The following NAA35 variants were observed in gnomAD, a reference collection of about 807,000 sequenced individuals.
NAA35 encodes the protein MAK10 homolog, amino-acid N-acetyltransferase subunit.
NAA35 carries 18 observed loss-of-function variants against 101.7 expected under a neutral mutation model. The ratio of observed to expected loss-of-function variants is 0.18; its 90% CI spans 0.12 to 0.26. The LOEUF is 0.26. NAA35 is among the 10% of genes least tolerant of loss of function. The pLI is 1.00. For synonymous variants in NAA35, 267 were observed against 273.1 expected (o/e 0.98, Z 0.22); for missense variants, 601 against 886.8 (o/e 0.68, Z 4.09).
At chr9:86,003,522 G>A in intron 12 of NAA35, 63 bp from the exon 13 acceptor site, 1 of 897,904 alleles carries the variant, frequency 1.1e-6, no homozygotes, top group Non-Finnish European at 1.7e-6. Context: ...ACAGTCTGAT[G>A]AAGTGTTTTT....
At chr9:85,959,111 T>G (rs1829398074) in intron 4 of NAA35, among the ~76,000 whole-genome samples, 1 of 152,094 alleles carries the variant, frequency 6.6e-6, no homozygotes, top group African/African-American at 2.4e-5. Flanking sequence ...GTGCGGTGGT[T>G]CATGCCTGTA....
At chr9:86,012,485 T>C (rs1345775382) in intron 15 of NAA35, among the ~76,000 whole-genome samples, 1 of 152,218 alleles carries the variant, frequency 6.6e-6, no homozygotes, top group East Asian at 1.9e-4. Context: ...TCAAATGAGA[T>C]AATATCTGTC....
intron 2 of NAA35, among the ~76,000 whole-genome samples, chr9:85,952,515 C>T (rs1478917912): frequency 6.6e-6 from 1 of 152,052 alleles, no homozygotes; most frequent in Non-Finnish European, 1.5e-5. Context: ...GAACTCCTGA[C>T]CTCCAGTAAT....
At chr9:86,017,123 G>A (rs1284856788) in intron 18 of NAA35, among the ~76,000 whole-genome samples, 1 of 152,246 alleles carries the variant, frequency 6.6e-6, no homozygotes, top group Admixed American at 6.5e-5. Context: ...TGATCACTTA[G>A]GGAAGGCTAT....
At chr9:86,003,461 T>A (rs1831500526) in intron 12 of NAA35, 124 bp from the exon 13 acceptor site, 1 of 457,670 alleles carries the variant, frequency 2.2e-6, no homozygotes, top group African/African-American at 2.0e-5. Flanking sequence ...CCTTTATTTG[T>A]CATATTTTAA....
chr9:86,013,941 A>G, intron 17 of NAA35, 44 bp downstream of exon 17: 1 of 1,379,684 alleles, frequency 7.2e-7, no homozygotes, highest in Non-Finnish European at 1.0e-6. Flanking sequence ...GGTGCAATGG[A>G]TAAGATCTGA....
chr9:86,022,428 A>G lies in NAA35; in HGVS notation c.*468A>G, dbSNP rs999716070. Reference sequence around the variant, plus strand: ...AAGTTTCAAATCAAGGGATTAATTAAACACTTGTATGAGATTTTGGTAAAA... The same window carrying G: ...AAGTTTCAAATCAAGGGATTAATTAGACACTTGTATGAGATTTTGGTAAAA... On this transcript the variant is annotated 3_prime_UTR_variant, in exon 23 of 23. Transcript: ENST00000361671. 2 of 152,698 alleles carry G rather than the reference A, an allele frequency of 1.3e-5. No individual in the cohort carries two copies. The highest frequency in any genetic ancestry group is 4.8e-5 in the African/African-American group (2 of 41,474). The allele number at this position is 152,698 out of a possible 1,614,324, so 9.5% of individuals were successfully genotyped here.
At chr9:86,004,829 A>G (rs1252547578) in intron 13 of NAA35, among the ~76,000 whole-genome samples, 1 of 152,242 alleles carries the variant, frequency 6.6e-6, no homozygotes, top group Non-Finnish European at 1.5e-5. Context: ...TTAAATGTAG[A>G]TACAGACTAC....
chr9:85,960,140 CTCAAGTGAT>C (rs1182480124), intron 5 of NAA35, among the ~76,000 whole-genome samples: 1 of 152,114 alleles, frequency 6.6e-6, no homozygotes, highest in Non-Finnish European at 1.5e-5. Context: ...TCTCAAGTTA[CTCAAGTGAT>C]AAGTCTGTAA....
At chr9:85,942,588 T>A (rs1828572214) in intron 2 of NAA35, among the ~76,000 whole-genome samples, 2 of 152,246 alleles carry the variant, frequency 1.3e-5, no homozygotes, top group African/African-American at 4.8e-5. Context: ...AGTATTTTTG[T>A]ATGTTTGAGG....
At chr9:86,000,047 C>G (rs958313822) in intron 12 of NAA35, among the ~76,000 whole-genome samples, 3 of 152,058 alleles carry the variant, frequency 2.0e-5, no homozygotes, top group African/African-American at 4.8e-5. Flanking sequence ...CTGCCTTGGA[C>G]TCTTATTGTT....
At position 85,941,833 on chromosome 9, in the gene NAA35, T is replaced by C. The variant is rs1257345491; in HGVS notation, c.-5-322T>C. On this transcript the variant is annotated intron_variant, in intron 1 of 22. Transcript: ENST00000361671. The stretch of plus-strand genomic sequence containing the variant: ...GTGCCTTGGTCTTTTGTGGCTATTA[T>C]TGAAAGTTGGAAGCTCTGGAGTTGT... The C allele has an allele frequency of 9.6e-6, 10 of 1,043,254 alleles. No individual in the cohort carries two copies. In the South Asian group the frequency reaches 3.6e-4, roughly 37 times the overall value. The allele number at this position is 1,043,254 out of a possible 1,614,324, so 64.6% of individuals were successfully genotyped here.
chr9:85,943,699 G>A (rs1338946110), intron 2 of NAA35, among the ~76,000 whole-genome samples: 4 of 152,182 alleles, frequency 2.6e-5, no homozygotes, highest in East Asian at 1.9e-4. Context: ...AGACTATTAA[G>A]TGGATTATAC....
intron 9 of NAA35, among the ~76,000 whole-genome samples, chr9:85,977,144 A>G (rs1422802399): frequency 6.6e-6 from 1 of 152,152 alleles, no homozygotes; most frequent in Admixed American, 6.5e-5. Context: ...GGACAAGATC[A>G]GTGCTGTTGA....
intron 14 of NAA35, among the ~76,000 whole-genome samples, chr9:86,008,938 C>G (rs1831770756): frequency 6.6e-6 from 1 of 152,140 alleles, no homozygotes; most frequent in Non-Finnish European, 1.5e-5. Flanking sequence ...CCTGTTATTA[C>G]TTATTTATTG....
At chr9:85,946,762 A>C (rs995037176) in intron 2 of NAA35, among the ~76,000 whole-genome samples, 1 of 151,820 alleles carries the variant, frequency 6.6e-6, no homozygotes, top group African/African-American at 2.4e-5. Flanking sequence ...AGTGTGGCTC[A>C]GGGAAGCCAA....
chr9:85,997,453 C>A (rs190799524), intron 12 of NAA35, among the ~76,000 whole-genome samples: 1 of 151,690 alleles, frequency 6.6e-6, no homozygotes, highest in East Asian at 1.9e-4. Flanking sequence ...GCTGTCATTC[C>A]ACATCAGCCT....
chr9:85,995,311 TTTTA>T (rs1285481649), intron 11 of NAA35, among the ~76,000 whole-genome samples: 6 of 150,232 alleles, frequency 4.0e-5, no homozygotes, highest in African/African-American at 7.3e-5. Flanking sequence ...AATTATTTTA[TTTTA>T]TTTATTTAAA....
intron 12 of NAA35, among the ~76,000 whole-genome samples, chr9:86,000,082 A>G (rs1831354212): frequency 6.6e-6 from 1 of 152,130 alleles, no homozygotes; most frequent in African/African-American, 2.4e-5. Context: ...TTCAATACCT[A>G]GTTTATTGAG....
Sources: allele counts gnomAD v4.1 joint callset (sites outside exome capture counted in the v4.1 genomes callset), GRCh38; gene constraint gnomAD v4.1.1; transcripts MANE v1.5; gene names NCBI Gene and HGNC (gene_info 2026-07-23, HGNC 2026-07-21).